FARP1: variants seen among roughly 807,000 people sequenced by gnomAD.
FARP1 encodes the protein FERM, ARHGEF and pleckstrin domain-containing protein 1.
In FARP1, 52 loss-of-function variants were observed where a neutral mutation model predicts 128.8. The observed-to-expected ratio is 0.40, with a 90% CI of 0.32 to 0.51. FARP1 has a LOEUF of 0.51. Among genes scored for constraint, FARP1 ranks in the 20% least tolerant of loss-of-function variants. FARP1 has a pLI of 0.45. For missense variants in FARP1, 1,333 were observed against 1,367.9 expected, an observed-to-expected ratio of 0.97 and a Z score of 0.40; for synonymous variants, 580 against 551.8, an observed-to-expected ratio of 1.05 and a Z score of -0.72.
At chr13:98,280,113 C>A (rs1884859330) in intron 2 of FARP1, among the ~76,000 whole-genome samples, 1 of 152,208 alleles carries the variant, frequency 6.6e-6, no homozygotes, top group Admixed American at 6.5e-5. Flanking sequence ...CGTGGCTCCC[C>A]TCCATGACCT....
intron 3 of FARP1, among the ~76,000 whole-genome samples, chr13:98,344,419 G>A (rs1238600688): frequency 6.6e-6 from 1 of 152,138 alleles, no homozygotes; most frequent in Admixed American, 6.5e-5. Flanking sequence ...TTTGCCATCT[G>A]GGTGGACAGT....
chr13:98,270,125 A>T (rs1884321800), intron 2 of FARP1, among the ~76,000 whole-genome samples: 1 of 152,192 alleles, frequency 6.6e-6, no homozygotes, highest in Non-Finnish European at 1.5e-5. Context: ...CAGTACATAA[A>T]ATTGGCTTTA....
At chr13:98,274,063 T>C (rs1320189043) in intron 2 of FARP1, among the ~76,000 whole-genome samples, 1 of 152,146 alleles carries the variant, frequency 6.6e-6, no homozygotes, top group Non-Finnish European at 1.5e-5. Context: ...GGACAGACTT[T>C]TCAGGGCAAC....
chr13:98,165,400 T>C (rs571448691), intron 1 of FARP1, among the ~76,000 whole-genome samples: 27 of 152,032 alleles, frequency 1.8e-4, no homozygotes, highest in Non-Finnish European at 2.9e-4. Context: ...AGATTGTAAC[T>C]ATTGAAGATA....
chr13:98,431,251 C>T lies in FARP1; in HGVS notation c.2114C>T (p.Pro705Leu), dbSNP rs372128821. 33 of 1,581,034 alleles carry T rather than the reference C, an allele frequency of 2.1e-5. No individual in the cohort carries two copies. The Admixed American group carries it at 3.1e-4, about 15-fold the overall frequency. ...GAGCGGCTGTGCAAACACCACCCGC[C>T]GAGCCACGCCGACTTCAGGGACTGC... ...VLERLCKHHPPSHADFRDCRA... is the reference protein window; with the variant it reads ...VLERLCKHHPLSHADFRDCRA... The change falls in exon 18 of 27, where the codon CCG (proline) becomes CTG (leucine). Residue 705 changes from proline (P) to leucine (L), a missense_variant. By Grantham distance (98) the Pro-to-Leu change is moderately conservative. This residue lies in a region of FARP1 where 1,009 missense variants were observed against 969.8 expected (regional missense o/e 1.04). Transcript: ENST00000319562.
intron 1 of FARP1, among the ~76,000 whole-genome samples, chr13:98,175,307 A>G (rs1221095819): frequency 6.6e-6 from 1 of 152,128 alleles, no homozygotes; most frequent in African/African-American, 2.4e-5. Flanking sequence ...AGAGGAATAC[A>G]TTGCCATTTT....
At chr13:98,436,278 C>G (rs979991669) in intron 19 of FARP1, among the ~76,000 whole-genome samples, 17 of 152,148 alleles carry the variant, frequency 1.1e-4, no homozygotes, top group African/African-American at 3.9e-4. Flanking sequence ...GATTCCTACT[C>G]AACAGGGCTT....
chr13:98,327,547 G>C (rs1887289575), intron 2 of FARP1, among the ~76,000 whole-genome samples: 1 of 152,110 alleles, frequency 6.6e-6, no homozygotes, highest in South Asian at 2.1e-4. Flanking sequence ...TCCTTCTCTT[G>C]GCCAGATTTT....
intron 1 of FARP1, among the ~76,000 whole-genome samples, chr13:98,200,283 C>G (rs1305721986): frequency 1.3e-5 from 2 of 151,872 alleles, no homozygotes; most frequent in Non-Finnish European, 2.9e-5. Context: ...GGTGGTTTTA[C>G]AACTGTCATT....
chr13:98,438,476 G>A (rs183033906), intron 19 of FARP1, among the ~76,000 whole-genome samples: 19 of 152,238 alleles, frequency 1.2e-4, no homozygotes, highest in East Asian at 3.9e-4. Flanking sequence ...CCGACCGTCC[G>A]TATCCTTTGT....
intron 2 of FARP1, among the ~76,000 whole-genome samples, chr13:98,264,542 CCCAAGGCACAAGA>C (rs1884013941): frequency 6.6e-6 from 1 of 152,096 alleles, no homozygotes. Context: ...ACTCTTGTGC[CCCAAGGCACAAGA>C]GTAGTGATGC....
intron 1 of FARP1, among the ~76,000 whole-genome samples, chr13:98,152,800 A>C (rs73564664): frequency 0.03 from 4,508 of 152,276 alleles, 213 homozygotes; most frequent in African/African-American, 0.1. Flanking sequence ...AATCACTGTT[A>C]GAGATGATCT....
intron 13 of FARP1, chr13:98,400,989 A>G (rs1251176749): frequency 6.6e-6 from 1 of 152,194 alleles, no homozygotes; most frequent in African/African-American, 2.4e-5. Flanking sequence ...AGGTCTGATT[A>G]CAAAAATTCA....
At chr13:98,336,168 A>C (rs1172855564) in intron 2 of FARP1, among the ~76,000 whole-genome samples, 1 of 152,212 alleles carries the variant, frequency 6.6e-6, no homozygotes, top group Non-Finnish European at 1.5e-5. Context: ...TAGAAAAGAA[A>C]ACAAAACATA....
chr13:98,169,334 C>T (rs953239353), intron 1 of FARP1, among the ~76,000 whole-genome samples: 1 of 152,234 alleles, frequency 6.6e-6, no homozygotes, highest in Non-Finnish European at 1.5e-5. Flanking sequence ...CGTATCATCT[C>T]ATTTCATGAT....
intron 13 of FARP1, chr13:98,398,917 C>T (rs1347015776): frequency 1.3e-5 from 2 of 152,204 alleles, no homozygotes; most frequent in African/African-American, 4.8e-5. Flanking sequence ...GTAAGCATCC[C>T]CGAGCAAAAC....
intron 19 of FARP1, 47 bp from the exon 20 acceptor site, chr13:98,438,757 G>A (rs770076360): frequency 2.6e-6 from 4 of 1,525,108 alleles, no homozygotes; most frequent in East Asian, 2.2e-5. Context: ...GTCAGCCCTT[G>A]GGGTCCGCAC....
intron 12 of FARP1, among the ~76,000 whole-genome samples, chr13:98,394,923 TC>T (rs1890457574): frequency 6.6e-6 from 1 of 151,850 alleles, no homozygotes; most frequent in South Asian, 2.1e-4. Context: ...AGATCCTGTC[TC>T]CCCCTCCAAA....
chr13:98,164,083 C>T (rs1307265304), intron 1 of FARP1, among the ~76,000 whole-genome samples: 2 of 151,694 alleles, frequency 1.3e-5, no homozygotes, highest in African/African-American at 2.4e-5. Context: ...CTTGACTGTA[C>T]CTCCATGAAT....
Sources: allele counts gnomAD v4.1 joint callset (sites outside exome capture counted in the v4.1 genomes callset), GRCh38; gene constraint gnomAD v4.1.1; regional missense constraint gnomAD v4.1.1; transcripts MANE v1.5; gene names NCBI Gene and HGNC (gene_info 2026-07-23, HGNC 2026-07-21).